The following DNASE2B variants were observed in gnomAD, a reference collection of about 807,000 sequenced individuals.
DNASE2B encodes the protein deoxyribonuclease 2 beta.
Under a neutral mutation model 46.0 loss-of-function variants are expected in DNASE2B, and 43 were observed. The ratio of observed to expected loss-of-function variants is 0.94; its 90% CI spans 0.73 to 1.21. The LOEUF (loss-of-function observed/expected upper bound fraction) is 1.21, where lower values mean the gene tolerates loss of function less well. Among genes scored for constraint, DNASE2B ranks in the 50% most tolerant of loss-of-function variants. The pLI is 0.00. For synonymous variants in DNASE2B, 156 were observed against 152.5 expected (o/e 1.02, Z -0.17); for missense variants, 395 against 414.4 (o/e 0.95, Z 0.41).
chr1:84,414,013 G>T (rs1204792395), intron 5 of DNASE2B, among the ~76,000 whole-genome samples: 1 of 152,098 alleles, frequency 6.6e-6, no homozygotes, highest in Admixed American at 6.6e-5. Flanking sequence ...CAGTTATTAT[G>T]ACAGCCTTAT....
intron 1 of DNASE2B, among the ~76,000 whole-genome samples, chr1:84,400,784 G>A (rs1024437309): frequency 5.3e-5 from 8 of 152,216 alleles, no homozygotes; most frequent in African/African-American, 1.9e-4. Context: ...GTCTGTTAGA[G>A]AGAATATAAG....
chr1:84,406,394 T>C (rs1002062582), intron 2 of DNASE2B, among the ~76,000 whole-genome samples: 1 of 152,118 alleles, frequency 6.6e-6, no homozygotes, highest in Non-Finnish European at 1.5e-5. Context: ...AATACAATAA[T>C]GATCTTTGAA....
intron 1 of DNASE2B, among the ~76,000 whole-genome samples, chr1:84,399,987 C>T (rs1471658789): frequency 6.6e-6 from 1 of 151,974 alleles, no homozygotes; most frequent in Non-Finnish European, 1.5e-5. Flanking sequence ...GTTAAAGAAG[C>T]GGTCATGGAA....
At chr1:84,401,002 G>T (rs1484519008) in intron 1 of DNASE2B, among the ~76,000 whole-genome samples, 1 of 152,168 alleles carries the variant, frequency 6.6e-6, no homozygotes, top group Non-Finnish European at 1.5e-5. Context: ...ACGGGTTTGT[G>T]ACACTGTTGT....
At chr1:84,407,114 C>A (rs989557692) in intron 2 of DNASE2B, among the ~76,000 whole-genome samples, 3 of 152,204 alleles carry the variant, frequency 2.0e-5, no homozygotes, top group African/African-American at 4.8e-5. Flanking sequence ...AGTCCATGAT[C>A]TTTTCCCTTT....
At chr1:84,401,261 T>C (rs1229750123) in intron 1 of DNASE2B, among the ~76,000 whole-genome samples, 3 of 152,144 alleles carry the variant, frequency 2.0e-5, no homozygotes, top group African/African-American at 7.2e-5. Flanking sequence ...CAACAAAGAA[T>C]GATCGGCTGA....
At chr1:84,401,874 G>A (rs754301074) in intron 1 of DNASE2B, 27 bp from the exon 2 acceptor site, 60 of 1,437,510 alleles carry the variant, frequency 4.2e-5, no homozygotes, top group Non-Finnish European at 5.5e-5. Context: ...ATAAATGTTA[G>A]TAATTCATAA....
chr1:84,401,861 T>A, intron 1 of DNASE2B, 40 bp from the exon 2 acceptor site: 2 of 1,391,278 alleles, frequency 1.4e-6, no homozygotes, highest in Non-Finnish European at 1.9e-6. Flanking sequence ...AGGAAAACAG[T>A]CAATAAATGT....
chr1:84,412,696 C>A, intron 5 of DNASE2B, 150 bp downstream of exon 5: 2 of 774,728 alleles, frequency 2.6e-6, no homozygotes, highest in Non-Finnish European at 3.8e-6. Context: ...CGGATCAGTT[C>A]AAACATCAGC....
In DNASE2B at chr1:84,408,377, T is replaced by C. The variant is rs1363975209; in HGVS notation, c.304-60T>C. ...TTGCAGGCTGGGTAGCTGGTAGAAATGTTGTGGGCGTTTGTAAGTGGAAGA... is the reference window on the plus strand; with the variant it reads ...TTGCAGGCTGGGTAGCTGGTAGAAACGTTGTGGGCGTTTGTAAGTGGAAGA... On this transcript the variant is annotated intron_variant, in intron 2 of 5. Coordinates refer to ENST00000370665, the MANE Select transcript of DNASE2B (RefSeq NM_021233.3). 5.2e-6 allele frequency: 8 copies of C among 1,538,198 alleles called. No individual in the cohort carries two copies. The Admixed American group carries it at 1.4e-4, about 27-fold the overall frequency.
chr1:84,410,745 A>C, intron 3 of DNASE2B, 93 bp from the exon 4 acceptor site: 8 of 1,222,568 alleles, frequency 6.5e-6, no homozygotes, highest in Non-Finnish European at 9.1e-6. Context: ...ACTAGTCTGA[A>C]GCATAAATGG....
rs1680668847 is a variant in DNASE2B at position 84,414,904 on chromosome 1, C to A, written c.*36C>A. Reference sequence around the variant, plus strand: ...AGGACACAGGTACTATCATTGAAAACCTTGACAATGGGTCTTCTTCCATTA... The same window carrying A: ...AGGACACAGGTACTATCATTGAAAAACTTGACAATGGGTCTTCTTCCATTA... On this transcript the variant is annotated 3_prime_UTR_variant, in exon 6 of 6. Coordinates refer to ENST00000370665, the MANE Select transcript of DNASE2B (RefSeq NM_021233.3). 1 of 1,484,192 alleles carries A rather than the reference C, an allele frequency of 6.7e-7. No homozygotes were observed. The highest frequency in any genetic ancestry group is 1.8e-5 in the Admixed American group (1 of 54,294). 91.9% of individuals were successfully genotyped at this position (1,484,192 alleles called of 1,614,324 possible).
At position 84,410,852 on chromosome 1, in the gene DNASE2B, A is replaced by C. The variant is rs202174698; in HGVS notation, c.400A>C (p.Asn134His). Residue 134 changes from asparagine to histidine, a missense_variant, in exon 4 of 6, where the codon AAC becomes CAC. Transcript: ENST00000370665. ...YGHTKGLLLW[N>H]RVQGFWLIHS... ...GTCTTTGGTAGGTTTACTGCTGTGG[A>C]ACAGAGTTCAAGGGTTCTGGCTGAT... 76 of 1,613,096 alleles carry C rather than the reference A, an allele frequency of 4.7e-5. No individual in the cohort carries two copies. The highest frequency in any genetic ancestry group is 5.6e-5 in the Non-Finnish European group (66 of 1,179,650).
intron 1 of DNASE2B, among the ~76,000 whole-genome samples, chr1:84,399,365 C>T (rs950515165): frequency 4.6e-5 from 7 of 152,192 alleles, no homozygotes; most frequent in Non-Finnish European, 7.3e-5. Context: ...GGCTACAGAA[C>T]ACAGATATAC....
intron 3 of DNASE2B, among the ~76,000 whole-genome samples, chr1:84,410,564 T>C (rs1036727988): frequency 2.6e-5 from 4 of 152,228 alleles, no homozygotes; most frequent in African/African-American, 9.6e-5. Context: ...AAACAAATTT[T>C]CCTTGTGATT....
Position 84,412,513 on chromosome 1 carries a change from C to G in DNASE2B, c.712C>G (p.Leu238Val). The change falls in exon 5 of 6, where the codon CTC becomes GTC. Residue 238 changes from leucine to valine, a missense_variant. Coordinates refer to ENST00000370665, the MANE Select transcript of DNASE2B (RefSeq NM_021233.3). ...TLQSAQGQKF[L>V]HFAKSDSFLD... ...TCAGTCGGCCCAGGGACAAAAATTC[C>G]TCCATTTTGCAAAGTCGGATTCTTT... 3 of 1,612,656 alleles carry G rather than the reference C, an allele frequency of 1.9e-6. No homozygotes were observed. The highest frequency in any genetic ancestry group is 2.5e-6 in the Non-Finnish European group (3 of 1,179,448).
chr1:84,408,883 ACAAACAC>A (rs1680540801), intron 3 of DNASE2B, among the ~76,000 whole-genome samples: 1 of 151,926 alleles, frequency 6.6e-6, no homozygotes, highest in Non-Finnish European at 1.5e-5. Flanking sequence ...GTATATATGT[ACAAACAC>A]ATTTTAGTCA....
intron 4 of DNASE2B, 48 bp from the exon 5 acceptor site, chr1:84,412,301 C>A: frequency 7.1e-7 from 1 of 1,413,060 alleles, no homozygotes; most frequent in Non-Finnish European, 9.4e-7. Flanking sequence ...GCAGGTATTT[C>A]CATTTGTGTC....
At chr1:84,403,679 T>C (rs1680455538) in intron 2 of DNASE2B, among the ~76,000 whole-genome samples, 1 of 152,146 alleles carries the variant, frequency 6.6e-6, no homozygotes, top group Non-Finnish European at 1.5e-5. Context: ...GCTTTTTCAT[T>C]TCTCCAAAAA....
Sources: gnomAD v4.1 joint callset for allele counts (sites outside exome capture counted in the v4.1 genomes callset) on GRCh38, gnomAD v4.1.1 for gene constraint, MANE v1.5 for transcripts, NCBI Gene and HGNC (gene_info 2026-07-23, HGNC 2026-07-21) for gene names.